Variants in CAMKMT observed in about 807,000 individuals in gnomAD.
CAMKMT encodes the protein calmodulin-lysine N-methyltransferase, also known as CaM KMT.
Under a neutral mutation model 48.0 loss-of-function variants are expected in CAMKMT, and 53 were observed. The ratio of observed to expected loss-of-function variants is 1.10; its 90% CI spans 0.89 to 1.39. The LOEUF is 1.39. Ranked by LOEUF, CAMKMT falls within the 40% of genes most tolerant of loss-of-function variation. CAMKMT has a pLI of 0.00. For missense variants in CAMKMT, 428 were observed against 402.7 expected, an observed-to-expected ratio of 1.06 and a Z score of -0.54; for synonymous variants, 165 against 152.3, an observed-to-expected ratio of 1.08 and a Z score of -0.61.
chr2:44,563,070 T>A (rs373340346), intron 3 of CAMKMT, among the ~76,000 whole-genome samples: 45 of 152,318 alleles, frequency 3.0e-4, no homozygotes, highest in African/African-American at 1.0e-3. Flanking sequence ...TTATTCCTAT[T>A]TTATGGAAGA....
intron 3 of CAMKMT, among the ~76,000 whole-genome samples, chr2:44,578,673 G>A (rs1236222952): frequency 1.3e-5 from 2 of 152,154 alleles, no homozygotes; most frequent in Non-Finnish European, 2.9e-5. Context: ...TGTGGTATTG[G>A]GTAATGGGAT....
At chr2:44,765,827 A>T (rs1397287097) in intron 9 of CAMKMT, among the ~76,000 whole-genome samples, 3 of 152,220 alleles carry the variant, frequency 2.0e-5, no homozygotes, top group Non-Finnish European at 4.4e-5. Context: ...GACCATCATG[A>T]GGGATTCAAT....
intron 2 of CAMKMT, among the ~76,000 whole-genome samples, chr2:44,385,664 C>A (rs572713945): frequency 4.7e-4 from 72 of 152,170 alleles, no homozygotes; most frequent in African/African-American, 1.2e-3. Flanking sequence ...GCCAGTTTTG[C>A]TGAGAGTTTT....
At chr2:44,766,868 T>C (rs1009617633) in intron 10 of CAMKMT, among the ~76,000 whole-genome samples, 2 of 152,254 alleles carry the variant, frequency 1.3e-5, no homozygotes, top group African/African-American at 4.8e-5. Context: ...CATGCATTTA[T>C]ATTTTAATGA....
chr2:44,772,430 C>A lies in CAMKMT; in HGVS notation c.*317C>A. ...TAAATATTTTTCCCTGTAATTGAGA[C>A]AGAATTTCTTTTGATGATACCCATC... On this transcript the variant is annotated 3_prime_UTR_variant, in exon 11 of 11. Transcript: ENST00000378494. 1 of 220,322 alleles carries A rather than the reference C, an allele frequency of 4.5e-6. No homozygotes were observed. The highest frequency in any genetic ancestry group is 8.7e-6 in the Non-Finnish European group (1 of 114,448). The allele number at this position is 220,322 out of a possible 1,614,324, so 13.6% of individuals were successfully genotyped here.
At chr2:44,575,324 C>T (rs2103751722) in intron 3 of CAMKMT, among the ~76,000 whole-genome samples, 1 of 151,724 alleles carries the variant, frequency 6.6e-6, no homozygotes, top group African/African-American at 2.4e-5. Context: ...AGTCATCCTC[C>T]CACCTCGGTA....
At chr2:44,673,530 GAAGA>G in intron 3 of CAMKMT, among the ~76,000 whole-genome samples, 1 of 143,708 alleles carries the variant, frequency 7.0e-6, no homozygotes, top group East Asian at 2.0e-4. Flanking sequence ...AGGAGGGAAG[GAAGA>G]AATCTATACA....
Position 44,477,407 on chromosome 2 carries a change from C to G in CAMKMT, c.376+87102C>G, listed in dbSNP as rs564395156. ...TTGTATCAAATAAGTTTGCTAAGCC[C>G]TATTATAAGTTAAAACTATTTTTAA... On this transcript the variant is annotated intron_variant, in intron 3 of 10. Coordinates refer to ENST00000378494, the MANE Select transcript of CAMKMT (RefSeq NM_024766.5). Among the ~76,000 whole-genome samples, 16 of 152,270 alleles carry G rather than the reference C, an allele frequency of 1.1e-4. No homozygotes were observed. In the East Asian group the frequency reaches 2.9e-3, roughly 28 times the overall value.
At chr2:44,533,920 A>G (rs1666623496) in intron 3 of CAMKMT, among the ~76,000 whole-genome samples, 1 of 152,258 alleles carries the variant, frequency 6.6e-6, no homozygotes, top group Admixed American at 6.5e-5. Flanking sequence ...TTTTCCACTT[A>G]AAACATAGAG....
At chr2:44,592,518 A>T (rs1248040916) in intron 3 of CAMKMT, among the ~76,000 whole-genome samples, 3 of 152,204 alleles carry the variant, frequency 2.0e-5, no homozygotes, top group African/African-American at 7.2e-5. Context: ...GGGTTCAAGT[A>T]ACCCTTATTT....
chr2:44,370,134 C>T (rs904831513), intron 1 of CAMKMT: 1 of 152,172 alleles, frequency 6.6e-6, no homozygotes, highest in African/African-American at 2.4e-5. Context: ...CTCTTGTGAG[C>T]TCTCTGACGT....
chr2:44,601,924 A>G (rs1336953832), intron 3 of CAMKMT, among the ~76,000 whole-genome samples: 1 of 152,018 alleles, frequency 6.6e-6, no homozygotes, highest in Non-Finnish European at 1.5e-5. Context: ...TTTTCTCTAT[A>G]TCTGTACTTT....
At chr2:44,724,169 G>T (rs1028669089) in intron 7 of CAMKMT, among the ~76,000 whole-genome samples, 1 of 152,184 alleles carries the variant, frequency 6.6e-6, no homozygotes, top group African/African-American at 2.4e-5. Flanking sequence ...TACTAGGGAC[G>T]CTGAGGCAGG....
At chr2:44,386,991 C>T (rs184520555) in intron 2 of CAMKMT, among the ~76,000 whole-genome samples, 1 of 152,048 alleles carries the variant, frequency 6.6e-6, no homozygotes, top group Admixed American at 6.5e-5. Flanking sequence ...GTTTATTCTG[C>T]AGTTGTTGGA....
chr2:44,540,930 A>G (rs970545290), intron 3 of CAMKMT, among the ~76,000 whole-genome samples: 4 of 152,200 alleles, frequency 2.6e-5, no homozygotes, highest in African/African-American at 9.7e-5. Context: ...ATTTTTTCCA[A>G]ATGGCTCAGC....
intron 3 of CAMKMT, among the ~76,000 whole-genome samples, chr2:44,454,107 G>T (rs1667437084): frequency 6.6e-6 from 1 of 152,096 alleles, no homozygotes; most frequent in East Asian, 1.9e-4. Flanking sequence ...ATAAGTTGGA[G>T]AAGCTTCGTC....
chr2:44,411,979 ATTTTTTTTTTTTTT>A (rs541645446), intron 3 of CAMKMT, among the ~76,000 whole-genome samples: 38 of 91,828 alleles, frequency 4.1e-4, no homozygotes, highest in East Asian at 1.1e-3. Context: ...ATTCTCTTCA[ATTTTTTTTTTTTTT>A]TTTTTTTTTT....
chr2:44,708,175 A>G (rs944113268), intron 6 of CAMKMT, among the ~76,000 whole-genome samples: 3 of 146,924 alleles, frequency 2.0e-5, no homozygotes, highest in African/African-American at 7.5e-5. Flanking sequence ...AGCTGTTAGA[A>G]ACTGAGAGGA....
intron 7 of CAMKMT, among the ~76,000 whole-genome samples, chr2:44,731,200 G>A (rs767320737): frequency 2.0e-5 from 3 of 152,148 alleles, no homozygotes; most frequent in Non-Finnish European, 4.4e-5. Context: ...AATTAGCTGG[G>A]CATGGTAGCA....
Sources: allele counts gnomAD v4.1 joint callset (sites outside exome capture counted in the v4.1 genomes callset), GRCh38; gene constraint gnomAD v4.1.1; transcripts MANE v1.5; gene names NCBI Gene and HGNC (gene_info 2026-07-23, HGNC 2026-07-21).